GSDMD: variants seen among roughly 807,000 people sequenced by gnomAD.
GSDMD encodes the protein gasdermin-D.
GSDMD carries 46 observed loss-of-function variants against 46.7 expected under a neutral mutation model. The observed-to-expected ratio is 0.99, with a 90% confidence interval of 0.78 to 1.26. The LOEUF (loss-of-function observed/expected upper bound fraction) is 1.26. GSDMD is among the 50% of genes most tolerant of loss of function. The pLI is 0.00. For missense variants in GSDMD, 649 were observed against 638.8 expected, an observed-to-expected ratio of 1.02 and a Z score of -0.17; for synonymous variants, 307 against 283.1, an observed-to-expected ratio of 1.08 and a Z score of -0.85.
chr8:143,560,577 C>G (rs367549285), intron 3 of GSDMD, 26 bp from the exon 4 acceptor site: 1 of 1,551,664 alleles, frequency 6.4e-7, no homozygotes, highest in South Asian at 1.2e-5. Context: ...TGCGGCCCAG[C>G]GAGCTTTGCT....
chr8:143,558,115 A>G, upstream of GSDMD: 2 of 526,392 alleles, frequency 3.8e-6, no homozygotes, highest in South Asian at 4.2e-5. Flanking sequence ...TCTGGTCTTG[A>G]ACTCCCGACC....
At chr8:143,560,917 C>T (rs1289473827) in intron 4 of GSDMD, 85 bp from the exon 5 acceptor site, 26 of 1,453,280 alleles carry the variant, frequency 1.8e-5, no homozygotes, top group African/African-American at 2.8e-5. Flanking sequence ...CACCTGGCGG[C>T]GGGCCTGCCC....
chr8:143,558,702 C>T, intron 1 of GSDMD: 1 of 586,204 alleles, frequency 1.7e-6, no homozygotes, highest in Non-Finnish European at 3.0e-6. Context: ...CGGTGCTGTT[C>T]CCGCCCCCAG....
chr8:143,559,478 G>C lies in GSDMD; in HGVS notation c.143G>C (p.Trp48Ser). ...CLVVRKPSSS[W>S]FWKPRYKCVN... ...GTGGTTAGGAAGCCCTCAAGCTCATGGTTCTGGAAACCCCGTTATAAGTGT... is the reference window on the plus strand; with the variant it reads ...GTGGTTAGGAAGCCCTCAAGCTCATCGTTCTGGAAACCCCGTTATAAGTGT... The change falls in exon 2 of 11, where the codon TGG becomes TCG. Residue 48 changes from tryptophan to serine, a missense_variant. Coordinates refer to ENST00000262580, the MANE Select transcript of GSDMD (RefSeq NM_024736.7). The C allele has an allele frequency of 6.2e-7, 1 of 1,612,930 alleles. No individual in the cohort carries two copies. The highest frequency in any genetic ancestry group is 8.5e-7 in the Non-Finnish European group (1 of 1,180,002).
chr8:143,562,282 T>C lies in GSDMD; in HGVS notation c.1070T>C (p.Val357Ala). 6.4e-7 allele frequency: 1 copy of C among 1,556,640 alleles called. No homozygotes were observed. The highest frequency in any genetic ancestry group is 1.2e-5 in the South Asian group (1 of 85,062). ...GCAGGTGCTGTCCTGGAGTGCCTGG[T>C]GTTGTCCTCCGGAATGCTGGTGCCG... ...GPAGAVLECLVLSSGMLVPEL... is the reference protein window; with the variant it reads ...GPAGAVLECLALSSGMLVPEL... The change falls in exon 9 of 11, where the codon GTG becomes GCG. Residue 357 changes from valine to alanine, a missense_variant. Val to Ala is a moderately conservative substitution (Grantham distance 64). Coordinates refer to ENST00000262580, the MANE Select transcript of GSDMD (RefSeq NM_024736.7).
At chr8:143,558,634 C>G in intron 1 of GSDMD, 183 bp downstream of exon 1, 2 of 625,154 alleles carry the variant, frequency 3.2e-6, no homozygotes, top group Non-Finnish European at 5.3e-6. Flanking sequence ...CCCAGGGGCC[C>G]GGCCTTTGGA....
In GSDMD at chr8:143,561,802, T is replaced by A. The variant is rs1441025636; in HGVS notation, c.797T>A (p.Met266Lys). ...CAGCTGCCCTCTGGCCTCTCCATGA[T>A]GAGGTGCCTCCACAACTTCCTGACA... ...WPQLPSGLSM[M>K]RCLHNFLTDG... The change falls in exon 7 of 11, where the codon ATG becomes AAG. Residue 266 changes from methionine (M) to lysine (K), a missense_variant. Met to Lys is a moderately conservative substitution (Grantham distance 95, BLOSUM62 -1). Coordinates refer to ENST00000262580, the MANE Select transcript of GSDMD (RefSeq NM_024736.7). The A allele has an allele frequency of 1.2e-5, 19 of 1,610,860 alleles. No homozygotes were observed. The highest frequency in any genetic ancestry group is 1.6e-5 in the Non-Finnish European group (19 of 1,178,942).
chr8:143,561,881 T>TG, intron 7 of GSDMD, 53 bp downstream of exon 7: 1 of 1,608,922 alleles, frequency 6.2e-7, no homozygotes. Flanking sequence ...TCCTGCCCCC[T>TG]GGGGTCTGCC....
chr8:143,560,284 TGG>T, intron 3 of GSDMD: 1 of 687,370 alleles, frequency 1.5e-6, no homozygotes, highest in South Asian at 1.5e-5. Flanking sequence ...AGGGGTCATC[TGG>T]GGCCTCCGCT....
In GSDMD at chr8:143,562,190, G is replaced by C; in HGVS notation, c.997-19G>C. The C allele has an allele frequency of 1.3e-6, 2 of 1,589,336 alleles. No homozygotes were observed. Among genetic ancestry groups the C allele is most frequent in the Non-Finnish European group, 1.7e-6 (2 of 1,174,620 alleles). ...CCTGCCCAGCCAGCCAGACTCACCT[G>C]CCCTTCCCGTGCCCACAGCTGGAGC... is the stretch of plus-strand genomic sequence containing the variant. On this transcript the variant is annotated intron_variant, in intron 8 of 10. Coordinates refer to ENST00000262580, the MANE Select transcript of GSDMD (RefSeq NM_024736.7).
rs865781989 is a variant in GSDMD at position 143,560,455 on chromosome 8, C to T, written c.411-148C>T. 2.3e-4 allele frequency: 178 copies of T among 758,962 alleles called. No individual in the cohort carries two copies. The East Asian group carries it at 4.3e-3, about 19-fold the overall frequency. 47.0% of individuals were successfully genotyped at this position (758,962 alleles called of 1,614,324 possible). On this transcript the variant is annotated intron_variant, in intron 3 of 10. Coordinates refer to ENST00000262580, the MANE Select transcript of GSDMD (RefSeq NM_024736.7). ...CATGGGGTCCCGTCCCCGTGGGGAGCACACGGAGAGGCTGCCGGTGCCCCG... is the reference window on the plus strand; with the variant it reads ...CATGGGGTCCCGTCCCCGTGGGGAGTACACGGAGAGGCTGCCGGTGCCCCG...
At chr8:143,559,280 T>TGGGCCCC in intron 1 of GSDMD, 52 bp from the exon 2 acceptor site, 1 of 579,430 alleles carries the variant, frequency 1.7e-6, no homozygotes, top group Non-Finnish European at 3.2e-6. Context: ...CTTCTCCCAC[T>TGGGCCCC]CCCTCCCGCC....
chr8:143,562,383 G>T, intron 9 of GSDMD, 33 bp downstream of exon 9: 1 of 1,453,330 alleles, frequency 6.9e-7, no homozygotes. Flanking sequence ...TGGCGGGTGG[G>T]AGGGAGGGAG....
upstream of GSDMD, among the ~76,000 whole-genome samples, chr8:143,557,707 G>A (rs574949702): frequency 6.6e-6 from 1 of 152,326 alleles, no homozygotes; most frequent in African/African-American, 2.4e-5. Flanking sequence ...TGCCCCCCGC[G>A]CTGGTTATTC....
At chr8:143,560,101 T>G (rs1460542580) in intron 3 of GSDMD, 132 bp downstream of exon 3, 1 of 876,470 alleles carries the variant, frequency 1.1e-6, no homozygotes, top group East Asian at 2.6e-5. Context: ...CTTGAACTCC[T>G]GGCCTCAAGC....
At chr8:143,560,569 C>A in intron 3 of GSDMD, 34 bp from the exon 4 acceptor site, 2 of 1,537,822 alleles carry the variant, frequency 1.3e-6, no homozygotes, top group Non-Finnish European at 8.8e-7. Flanking sequence ...TCAGGGGCTG[C>A]GGCCCAGCGA....
intron 10 of GSDMD, 39 bp from the exon 11 acceptor site, chr8:143,562,623 G>C (rs951166363): frequency 1.3e-5 from 20 of 1,599,174 alleles, no homozygotes; most frequent in Non-Finnish European, 1.7e-5. Flanking sequence ...AAGATGCCCA[G>C]ATTTCCCCAT....
chr8:143,562,684 G>A lies in GSDMD; in HGVS notation c.1235G>A (p.Ser412Asn), dbSNP rs1161252300. The change falls in exon 11 of 11, where the codon AGT (serine) becomes AAT (asparagine). Residue 412 changes from serine to asparagine, a missense_variant. Physicochemically the swap from Ser to Asn is conservative, Grantham distance 46 (BLOSUM62 1). Transcript: ENST00000262580. Reference sequence around the variant, plus strand: ...CAGGTGGGCAGCCTCTTGGAGCAGAGTGCCCCGTGGCAGGAGCGCAGCACC... The same window carrying A: ...CAGGTGGGCAGCCTCTTGGAGCAGAATGCCCCGTGGCAGGAGCGCAGCACC... ...LELVGSLLEQ[S>N]APWQERSTMS... The A allele has an allele frequency of 6.2e-7, 1 of 1,605,988 alleles. No individual in the cohort carries two copies. Among genetic ancestry groups the A allele is most frequent in the Non-Finnish European group, 8.5e-7 (1 of 1,176,954 alleles).
chr8:143,558,422 C>T lies in GSDMD; in HGVS notation c.-34C>T, dbSNP rs1035579988. 4.0e-6 allele frequency: 6 copies of T among 1,506,514 alleles called. No homozygotes were observed. The highest frequency in any genetic ancestry group is 1.8e-6 in the Non-Finnish European group (2 of 1,134,200). 93.3% of individuals were successfully genotyped at this position (1,506,514 alleles called of 1,614,324 possible). The stretch of plus-strand genomic sequence containing the variant: ...TCCCAGGGAGAGCAGACGCGCCAGA[C>T]GCGCCACCCTCGGGGCGCCGACGGT... On this transcript the variant is annotated 5_prime_UTR_variant, in exon 1 of 11. It adds an upstream start codon to the 5' untranslated region. Transcript: ENST00000262580.
Sources: allele counts gnomAD v4.1 joint callset (sites outside exome capture counted in the v4.1 genomes callset), GRCh38; gene constraint gnomAD v4.1.1; transcripts MANE v1.5; gene names NCBI Gene and HGNC (gene_info 2026-07-23, HGNC 2026-07-21).